Variants in HSD17B12 observed in about 807,000 individuals in gnomAD.
HSD17B12 encodes the protein hydroxysteroid 17-beta dehydrogenase 12.
HSD17B12 carries 32 observed loss-of-function variants against 39.3 expected under a neutral mutation model. The ratio of observed to expected loss-of-function variants is 0.81; its 90% CI spans 0.61 to 1.09. The LOEUF is 1.09. HSD17B12 is among the 50% of genes least tolerant of loss of function. The probability of loss-of-function intolerance (pLI) is 0.00; values close to 1 mark genes in which losing one functional copy is unlikely to be tolerated. For missense variants in HSD17B12, 342 were observed against 382.9 expected, an observed-to-expected ratio of 0.89 and a Z score of 0.89; for synonymous variants, 150 against 146.7, an observed-to-expected ratio of 1.02 and a Z score of -0.16.
At chr11:43,623,020 G>A in the HSD17B12 span, among the ~76,000 whole-genome samples, 12 of 152,124 alleles carry the variant, frequency 7.9e-5, no homozygotes, top group South Asian at 2.3e-3. Context: ...CCAAAAAGAA[G>A]TTTTTCAGCA....
At chr11:43,783,158 G>A (rs1488181815) in intron 3 of HSD17B12, among the ~76,000 whole-genome samples, 1 of 152,226 alleles carries the variant, frequency 6.6e-6, no homozygotes, top group Non-Finnish European at 1.5e-5. Context: ...GGGTGATTCT[G>A]ACTTGGATCC....
chr11:43,687,077 G>C (rs1949807816), intron 1 of HSD17B12, among the ~76,000 whole-genome samples: 1 of 152,214 alleles, frequency 6.6e-6, no homozygotes, highest in South Asian at 2.1e-4. Context: ...TGGGTAAACG[G>C]ATTTGAATAG....
chr11:43,805,347 G>T (rs1016442046), intron 4 of HSD17B12, among the ~76,000 whole-genome samples: 4 of 152,086 alleles, frequency 2.6e-5, no homozygotes, highest in Admixed American at 2.0e-4. Flanking sequence ...GGGTCAGTTG[G>T]CTATTTTAGT....
At chr11:43,557,439 G>T in the HSD17B12 span, among the ~76,000 whole-genome samples, 9,941 of 152,278 alleles carry the variant, frequency 0.065, 752 homozygotes, top group East Asian at 0.39. Context: ...CGGTATGGTG[G>T]TGGTGATGGG....
At chr11:43,654,897 A>G in the HSD17B12 span, among the ~76,000 whole-genome samples, 18 of 152,192 alleles carry the variant, frequency 1.2e-4, no homozygotes, top group Non-Finnish European at 2.4e-4. Flanking sequence ...TTGGTTCCAT[A>G]TGAATTTTAT....
intron 3 of HSD17B12, among the ~76,000 whole-genome samples, chr11:43,773,688 C>A (rs868781936): frequency 3.3e-5 from 5 of 152,330 alleles, no homozygotes; most frequent in Middle Eastern, 3.4e-3. Flanking sequence ...AGAACCTATA[C>A]TGACACATCG....
chr11:43,612,970 G>C, the HSD17B12 span, among the ~76,000 whole-genome samples: 6 of 152,164 alleles, frequency 3.9e-5, no homozygotes, highest in Non-Finnish European at 7.4e-5. Context: ...TTGAGGGACA[G>C]TAGGCCAGTG....
Position 43,850,967 on chromosome 11 carries a change from A to C in HSD17B12, c.685-3748A>C, listed in dbSNP as rs148948377. On this transcript the variant is annotated intron_variant, in intron 9 of 10. Coordinates refer to ENST00000278353, the MANE Select transcript of HSD17B12 (RefSeq NM_016142.3). The stretch of plus-strand genomic sequence containing the variant: ...TCGCAGCTACTCAGGAGGCTGAGGC[A>C]GGGGAATTGCTTGAACCAGGGAGGT... Among the ~76,000 whole-genome samples, 1,256 of 152,334 alleles carry C rather than the reference A, an allele frequency of 8.2e-3. 20 individuals carry two copies. The highest frequency in any genetic ancestry group is 0.029 in the African/African-American group (1,186 of 41,580).
the HSD17B12 span, among the ~76,000 whole-genome samples, chr11:43,583,954 A>G: frequency 6.6e-6 from 1 of 152,124 alleles, no homozygotes; most frequent in East Asian, 1.9e-4. Context: ...TATGTTAAAA[A>G]TCAAGACCAG....
chr11:43,775,510 T>C (rs1950691839), intron 3 of HSD17B12, among the ~76,000 whole-genome samples: 1 of 152,148 alleles, frequency 6.6e-6, no homozygotes, highest in Admixed American at 6.5e-5. Flanking sequence ...TCAACTCTTT[T>C]GTGAACACAA....
chr11:43,728,910 C>T (rs1009212044), intron 1 of HSD17B12, among the ~76,000 whole-genome samples: 1 of 151,858 alleles, frequency 6.6e-6, no homozygotes, highest in African/African-American at 2.4e-5. Flanking sequence ...TATAGATATG[C>T]TACATATAAT....
At chr11:43,780,639 G>A (rs756321586) in intron 3 of HSD17B12, among the ~76,000 whole-genome samples, 5 of 152,152 alleles carry the variant, frequency 3.3e-5, no homozygotes, top group Non-Finnish European at 7.3e-5. Flanking sequence ...TTATTAGAAC[G>A]TGAGTTATCA....
At chr11:43,705,616 C>T (rs1190674953) in intron 1 of HSD17B12, among the ~76,000 whole-genome samples, 1 of 152,102 alleles carries the variant, frequency 6.6e-6, no homozygotes, top group Non-Finnish European at 1.5e-5. Flanking sequence ...ATTCATCATC[C>T]TGGGGGTATC....
chr11:43,826,244 G>A lies in HSD17B12; in HGVS notation c.502-4732G>A, dbSNP rs562792241. Among the ~76,000 whole-genome samples the A allele has an allele frequency of 1.6e-3, 241 of 151,842 alleles. 1 individual carries two copies. The highest frequency in any genetic ancestry group is 2.7e-3 in the Non-Finnish European group (182 of 67,932). ...ACTACAGGCGCCCACCACCACGCCC[G>A]GCTAATTTTTTTGTATTTTTAGTAG... On this transcript the variant is annotated intron_variant, in intron 6 of 10. Coordinates refer to ENST00000278353, the MANE Select transcript of HSD17B12 (RefSeq NM_016142.3).
At chr11:43,706,228 A>T (rs550889060) in intron 1 of HSD17B12, among the ~76,000 whole-genome samples, 1 of 152,298 alleles carries the variant, frequency 6.6e-6, no homozygotes, top group East Asian at 1.9e-4. Flanking sequence ...GCCGAAGTCT[A>T]AAAGGACTCT....
chr11:43,736,545 G>A (rs186838266), intron 1 of HSD17B12, among the ~76,000 whole-genome samples: 1 of 152,264 alleles, frequency 6.6e-6, no homozygotes, highest in African/African-American at 2.4e-5. Context: ...ATAATCTACT[G>A]TTCTTGAAGA....
At chr11:43,689,021 A>G (rs1004063604) in intron 1 of HSD17B12, among the ~76,000 whole-genome samples, 1 of 152,228 alleles carries the variant, frequency 6.6e-6, no homozygotes, top group Non-Finnish European at 1.5e-5. Context: ...CAGCAGGTAT[A>G]CACTTGAAAA....
chr11:43,644,109 G>A, the HSD17B12 span: 1 of 152,264 alleles, frequency 6.6e-6, no homozygotes, highest in African/African-American at 2.4e-5. Flanking sequence ...TGCAACAATT[G>A]GCCGTTGGGA....
At chr11:43,579,540 C>T in the HSD17B12 span, 1 of 152,284 alleles carries the variant, frequency 6.6e-6, no homozygotes, top group Non-Finnish European at 1.5e-5. Context: ...AGTCGGCGCC[C>T]GGGTCGGCTG....
Sources: gnomAD v4.1 joint callset for allele counts (sites outside exome capture counted in the v4.1 genomes callset) on GRCh38, gnomAD v4.1.1 for gene constraint, MANE v1.5 for transcripts, NCBI Gene and HGNC (gene_info 2026-07-23, HGNC 2026-07-21) for gene names.